Variants in CENPK observed in about 807,000 individuals in gnomAD.
The protein encoded by CENPK is centromere protein K.
CENPK carries 46 observed loss-of-function variants against 40.9 expected under a neutral mutation model. The observed-to-expected ratio is 1.13, with a 90% CI of 0.89 to 1.44. The LOEUF is 1.44. Among genes scored for constraint, CENPK ranks in the 40% most tolerant of loss-of-function variants. The probability of loss-of-function intolerance (pLI) is 0.00; values close to 1 mark genes in which losing one functional copy is unlikely to be tolerated. For missense variants in CENPK, 288 were observed against 303.5 expected, an observed-to-expected ratio of 0.95 and a Z score of 0.38; for synonymous variants, 107 against 104.4, an observed-to-expected ratio of 1.02 and a Z score of -0.15.
chr5:65,496,161 G>A, the CENPK span, among the ~76,000 whole-genome samples: 1 of 152,220 alleles, frequency 6.6e-6, no homozygotes, highest in Non-Finnish European at 1.5e-5. Flanking sequence ...AGGAGGTTAA[G>A]GTGGGAGGAT....
At chr5:65,558,746 G>A (rs1751409404) in intron 2 of CENPK, among the ~76,000 whole-genome samples, 1 of 152,100 alleles carries the variant, frequency 6.6e-6, no homozygotes, top group Admixed American at 6.5e-5. Flanking sequence ...TACAGACAGG[G>A]ACAAAGTGAA....
intron 10 of CENPK, 139 bp downstream of exon 10, chr5:65,521,336 T>A: frequency 1.6e-6 from 1 of 634,202 alleles, no homozygotes; most frequent in Non-Finnish European, 2.8e-6. Context: ...CAAAGATATA[T>A]TATTACAAAT....
chr5:65,499,720 A>G, the CENPK span, among the ~76,000 whole-genome samples: 1 of 119,388 alleles, frequency 8.4e-6, no homozygotes, highest in Non-Finnish European at 1.7e-5. Context: ...CACATTGTGC[A>G]GGTTAGTTAC....
rs139325230 is a variant in CENPK, at chr5:65,521,080, G to A, written c.651+395C>T. Among the ~76,000 whole-genome samples the A allele has an allele frequency of 2.5e-3, 383 of 151,924 alleles. 2 individuals carry two copies. Among genetic ancestry groups the A allele is most frequent in the African/African-American group, 8.1e-3 (337 of 41,426 alleles). On this transcript the variant is annotated intron_variant, in intron 10 of 10. Transcript: ENST00000396679. ...TGGAAAGAATCTTTAAGTTCATTACGTATTTTATATAGAGTACAGAGCTAC... is the reference window on the plus strand; with the variant it reads ...TGGAAAGAATCTTTAAGTTCATTACATATTTTATATAGAGTACAGAGCTAC...
At chr5:65,510,426 T>C in the CENPK span, among the ~76,000 whole-genome samples, 2 of 152,172 alleles carry the variant, frequency 1.3e-5, no homozygotes, top group African/African-American at 4.8e-5. Flanking sequence ...TGTGGCAGTA[T>C]TGACAGGCAG....
chr5:65,497,294 G>T, the CENPK span, among the ~76,000 whole-genome samples: 1 of 151,476 alleles, frequency 6.6e-6, no homozygotes, highest in Non-Finnish European at 1.5e-5. Context: ...CTTGAACCCG[G>T]GAGATGGAGG....
chr5:65,539,365 A>G (rs1461110777), intron 6 of CENPK, among the ~76,000 whole-genome samples: 1 of 152,214 alleles, frequency 6.6e-6, no homozygotes, highest in South Asian at 2.1e-4. Flanking sequence ...TTGATCTCCA[A>G]CTGTGAACTT....
intron 1 of CENPK, 121 bp downstream of exon 1, chr5:65,562,977 G>C (rs971857754): frequency 7.4e-5 from 14 of 190,140 alleles, no homozygotes; most frequent in Admixed American, 1.7e-4. Flanking sequence ...CGAGAAGAAC[G>C]GGACTCAAAG....
intron 4 of CENPK, among the ~76,000 whole-genome samples, chr5:65,552,083 C>T (rs939294989): frequency 6.6e-6 from 1 of 151,886 alleles, no homozygotes; most frequent in African/African-American, 2.4e-5. Flanking sequence ...CCTCAGCCTC[C>T]TGAGTAGCTG....
At chr5:65,511,439 G>A in the CENPK span, among the ~76,000 whole-genome samples, 3 of 152,322 alleles carry the variant, frequency 2.0e-5, no homozygotes, top group Admixed American at 6.5e-5. Flanking sequence ...TGGCTTCAAA[G>A]TTTCAAAGGA....
chr5:65,514,726 A>T (rs574131538), downstream of CENPK, among the ~76,000 whole-genome samples: 404 of 152,286 alleles, frequency 2.7e-3, 4 homozygotes, highest in African/African-American at 8.9e-3. Context: ...CTCATAATTG[A>T]TTCAATTTAT....
At chr5:65,534,050 CAAAAAAAAAAA>C (rs60018569) in intron 6 of CENPK, among the ~76,000 whole-genome samples, 1 of 90,988 alleles carries the variant, frequency 1.1e-5, no homozygotes, top group African/African-American at 4.7e-5. Flanking sequence ...ACCGTCTCAA[CAAAAAAAAAAA>C]AAAAAAAAGG....
At chr5:65,526,069 C>G (rs1210608989) in intron 9 of CENPK, among the ~76,000 whole-genome samples, 2 of 151,968 alleles carry the variant, frequency 1.3e-5, no homozygotes, top group Non-Finnish European at 2.9e-5. Context: ...ATCAATAGTC[C>G]TTATACATCA....
chr5:65,511,045 A>C, the CENPK span, among the ~76,000 whole-genome samples: 2 of 152,168 alleles, frequency 1.3e-5, no homozygotes, highest in Admixed American at 1.3e-4. Context: ...TAAATTACCC[A>C]GTTTTAGTTA....
intron 2 of CENPK, among the ~76,000 whole-genome samples, chr5:65,559,528 C>CT (rs1437678847): frequency 6.7e-6 from 1 of 149,910 alleles, no homozygotes; most frequent in East Asian, 1.9e-4. Context: ...ACTTGGGAGG[C>CT]TGAGGCAGGA....
chr5:65,514,716 C>T (rs919999143), downstream of CENPK, among the ~76,000 whole-genome samples: 2 of 152,204 alleles, frequency 1.3e-5, no homozygotes, highest in African/African-American at 4.8e-5. Flanking sequence ...GTTTTGGAAG[C>T]TCATAATTGA....
rs1316971887 is a variant in CENPK, at chr5:65,554,953, C to A, written c.-39-7G>T. 4.5e-6 allele frequency: 5 copies of A among 1,104,126 alleles called. No individual in the cohort carries two copies. The Admixed American group carries it at 5.6e-5, about 12-fold the overall frequency. 68.4% of individuals were successfully genotyped at this position (1,104,126 alleles called of 1,614,324 possible). On this transcript the variant is annotated splice_region_variant and splice_polypyrimidine_tract_variant and intron_variant, in intron 2 of 10. Coordinates refer to ENST00000396679, the MANE Select transcript of CENPK (RefSeq NM_022145.5). The stretch of plus-strand genomic sequence containing the variant: ...TTTAGCCTTATAAGAAAAACTAAAG[C>A]AAAAAATATTTATTCATTCAGCAGT...
chr5:65,507,370 T>C, the CENPK span, among the ~76,000 whole-genome samples: 1 of 152,186 alleles, frequency 6.6e-6, no homozygotes, highest in Non-Finnish European at 1.5e-5. Flanking sequence ...TTTAGCTAAA[T>C]GCACAGCTAT....
intron 3 of CENPK, among the ~76,000 whole-genome samples, chr5:65,553,157 T>C (rs1244607658): frequency 6.6e-6 from 1 of 152,074 alleles, no homozygotes; most frequent in Non-Finnish European, 1.5e-5. Context: ...ATTAATAATA[T>C]AAAGTACCAA....
Sources: allele counts gnomAD v4.1 joint callset (sites outside exome capture counted in the v4.1 genomes callset), GRCh38; gene constraint gnomAD v4.1.1; transcripts MANE v1.5; gene names NCBI Gene and HGNC (gene_info 2026-07-23, HGNC 2026-07-21).